TRPM4: variants seen among roughly 807,000 people sequenced by gnomAD.
TRPM4 encodes calcium-activated non-selective cation channel 1.
In TRPM4, 124 loss-of-function variants were observed where a neutral mutation model predicts 135.6. The observed-to-expected ratio is 0.91, with a 90% CI of 0.79 to 1.06. The LOEUF (loss-of-function observed/expected upper bound fraction) is 1.06, where lower values mean the gene tolerates loss of function less well. TRPM4 is among the 50% of genes least tolerant of loss of function. The probability of loss-of-function intolerance (pLI) is 0.00; values close to 1 mark genes in which losing one functional copy is unlikely to be tolerated. For missense variants in TRPM4, 1,658 were observed against 1,671.4 expected, an observed-to-expected ratio of 0.99 and a Z score of 0.14; for synonymous variants, 745 against 705.6, an observed-to-expected ratio of 1.06 and a Z score of -0.88.
intron 2 of TRPM4, among the ~76,000 whole-genome samples, chr19:49,164,497 G>T (rs1034790484): frequency 7.0e-6 from 1 of 142,754 alleles, no homozygotes. Flanking sequence ...TCCTGCCTCA[G>T]CCTTCTGAGT....
At chr19:49,172,161 C>A in intron 9 of TRPM4, 53 bp downstream of exon 9, 3 of 1,366,366 alleles carry the variant, frequency 2.2e-6, no homozygotes, top group Non-Finnish European at 3.1e-6. Flanking sequence ...CCTTAGACAC[C>A]TTTCCTGGCC....
Position 49,166,179 on chromosome 19 carries a change from G to C in TRPM4, c.231G>C (p.Glu77Asp). Residue 77 changes from glutamate to aspartate, a missense_variant, in exon 3 of 25, where the codon GAG becomes GAC. Transcript: ENST00000252826. ...AGAAGCCCACCGATGCCTACGGAGA[G>C]CTGGACTTCACGGGGGCCGGCCGCA... is the stretch of plus-strand genomic sequence containing the variant. Reference protein sequence around the residue: ...TTEKPTDAYGELDFTGAGRKH... With the variant: ...TTEKPTDAYGDLDFTGAGRKH... 6.2e-7 allele frequency: 1 copy of C among 1,609,208 alleles called. No homozygotes were observed. The highest frequency in any genetic ancestry group is 1.1e-5 in the South Asian group (1 of 90,150).
intron 9 of TRPM4, among the ~76,000 whole-genome samples, chr19:49,172,667 G>T (rs1000878003): frequency 2.0e-4 from 28 of 142,210 alleles, no homozygotes; most frequent in Non-Finnish European, 1.5e-4. Context: ...CACATCCACC[G>T]AAAATTCCTG....
chr19:49,175,313 G>C (rs1600433094), intron 9 of TRPM4, among the ~76,000 whole-genome samples: 1 of 151,972 alleles, frequency 6.6e-6, no homozygotes, highest in East Asian at 1.9e-4. Context: ...GACCTCGGGT[G>C]ATCCGCCCGC....
chr19:49,175,724 G>A (rs1443783444), intron 9 of TRPM4, among the ~76,000 whole-genome samples: 6 of 138,682 alleles, frequency 4.3e-5, no homozygotes, highest in South Asian at 2.3e-4. Flanking sequence ...GCAGTGGCGC[G>A]ATCTCGGCTC....
chr19:49,194,577 TCTTTCCTTCCTTC>T (rs1568482753), intron 16 of TRPM4, among the ~76,000 whole-genome samples: 1 of 150,358 alleles, frequency 6.7e-6, no homozygotes. Flanking sequence ...CTTCCTTCCT[TCTTTCCTTCCTTC>T]CTTTCCTTTC....
chr19:49,174,734 AC>A (rs1311390678), intron 9 of TRPM4, among the ~76,000 whole-genome samples: 1 of 140,564 alleles, frequency 7.1e-6, no homozygotes, highest in Non-Finnish European at 1.5e-5. Flanking sequence ...ATAGGGCAAG[AC>A]TCTGTCTCAA....
intron 2 of TRPM4, among the ~76,000 whole-genome samples, chr19:49,160,961 C>T (rs560948203): frequency 1.3e-5 from 2 of 151,976 alleles, no homozygotes; most frequent in East Asian, 3.9e-4. Flanking sequence ...GGCTCCGGGA[C>T]GTATGCTCTG....
At chr19:49,195,408 G>A (rs982972461) in intron 16 of TRPM4, among the ~76,000 whole-genome samples, 5 of 151,922 alleles carry the variant, frequency 3.3e-5, no homozygotes, top group African/African-American at 4.8e-5. Flanking sequence ...TTTTGCTCTC[G>A]TTGCCCAGGC....
At chr19:49,200,469 A>C (rs774430689) in intron 18 of TRPM4, 37 bp downstream of exon 18, 14 of 872,680 alleles carry the variant, frequency 1.6e-5, no homozygotes, top group Middle Eastern at 2.6e-4. Context: ...GCGGGGACAT[A>C]GGGAAAGGGG....
chr19:49,173,928 C>T (rs1405062298), intron 9 of TRPM4, among the ~76,000 whole-genome samples: 1 of 152,054 alleles, frequency 6.6e-6, no homozygotes, highest in African/African-American at 2.4e-5. Flanking sequence ...CCTCAGTCTC[C>T]CAAAGTGCTG....
In TRPM4 at chr19:49,168,705, C is replaced by G; in HGVS notation, c.765C>G (p.Ser255=). 2 of 1,605,280 alleles carry G rather than the reference C, an allele frequency of 1.2e-6. No individual in the cohort carries two copies. The highest frequency in any genetic ancestry group is 1.7e-6 in the Non-Finnish European group (2 of 1,176,566). ...GENRFRLRLE[S]YISQQKTGVG... ...ACCGCTTCCGCTTGCGCCTGGAGTCCTACATCTCACAGCAGAAGACGGGCG... is the reference window on the plus strand; with the variant it reads ...ACCGCTTCCGCTTGCGCCTGGAGTCGTACATCTCACAGCAGAAGACGGGCG... Residue 255 remains serine (S), a synonymous_variant, in exon 6 of 25, where the codon TCC becomes TCG. Transcript: ENST00000252826.
chr19:49,204,781 G>A (rs547319112), intron 20 of TRPM4, among the ~76,000 whole-genome samples: 3 of 149,886 alleles, frequency 2.0e-5, no homozygotes, highest in South Asian at 2.1e-4. Flanking sequence ...GGATGGTCTC[G>A]ATCTCCTGAC....
Position 49,210,413 on chromosome 19 carries a change from CAG to C in TRPM4, c.3328+11_3328+12del. Reference sequence around the variant, plus strand: ...CGGCCCTCGAGCATTTCCGTAAGAACAGAGCTTGGCTTAAAAAGGAGAAATAT... The same window carrying C: ...CGGCCCTCGAGCATTTCCGTAAGAACAGCTTGGCTTAAAAAGGAGAAATAT... On this transcript the variant is annotated intron_variant, in intron 21 of 24. Transcript: ENST00000252826. This position sits in a 1 kb window ranked among gnomAD's most constrained non-coding sequence, Gnocchi z 4.1. 1 of 1,612,630 alleles carries C rather than the reference CAG, an allele frequency of 6.2e-7. No homozygotes were observed. Among genetic ancestry groups the C allele is most frequent in the Non-Finnish European group, 8.5e-7 (1 of 1,179,896 alleles).
intron 10 of TRPM4, among the ~76,000 whole-genome samples, 170 bp downstream of exon 10, chr19:49,181,631 A>G (rs1475272756): frequency 6.9e-6 from 1 of 145,862 alleles, no homozygotes; most frequent in African/African-American, 2.6e-5. Flanking sequence ...ACCTGGGTTC[A>G]CGCCATTCTC....
chr19:49,203,770 TGTA>T (rs1969041694), intron 20 of TRPM4, among the ~76,000 whole-genome samples: 1 of 152,224 alleles, frequency 6.6e-6, no homozygotes, highest in South Asian at 2.1e-4. Flanking sequence ...TCATCCCTGT[TGTA>T]GTGTGCATCA....
intron 10 of TRPM4, 127 bp from the exon 11 acceptor site, chr19:49,182,443 TCCATCCAC>T (rs1396186240): frequency 7.1e-5 from 49 of 686,222 alleles, no homozygotes; most frequent in African/African-American, 2.4e-4. Flanking sequence ...CATTCATCCA[TCCATCCAC>T]CCATCCATCC....
chr19:49,172,843 C>T lies in TRPM4; in HGVS notation c.1150+735C>T, dbSNP rs1967521164. On this transcript the variant is annotated intron_variant, in intron 9 of 24. Transcript: ENST00000252826. ...AATGCCATCCGCTCATTCCTCCATCCGTCTTCTCACCTGTCCATCCACACA... is the reference window on the plus strand; with the variant it reads ...AATGCCATCCGCTCATTCCTCCATCTGTCTTCTCACCTGTCCATCCACACA... Among the ~76,000 whole-genome samples, 4 of 136,418 alleles carry T rather than the reference C, an allele frequency of 2.9e-5. No homozygotes were observed. In the South Asian group the frequency reaches 9.7e-4, roughly 33 times the overall value. The allele number at this position is 136,418 out of a possible 152,430, so 89.5% of individuals were successfully genotyped here. A position where few individuals can be genotyped will look rare whatever the true frequency, so the allele number is the denominator to read the frequency against.
intron 16 of TRPM4, among the ~76,000 whole-genome samples, chr19:49,194,696 C>G (rs1256562216): frequency 3.2e-5 from 4 of 126,940 alleles, no homozygotes; most frequent in African/African-American, 9.3e-5. Context: ...TTTCTTCCTT[C>G]CTTCCTCCCT....
Sources: gnomAD v4.1 joint callset for allele counts (sites outside exome capture counted in the v4.1 genomes callset) on GRCh38, gnomAD v4.1.1 for gene constraint, Gnocchi (gnomAD v3.1) non-coding constraint, MANE v1.5 for transcripts, NCBI Gene and HGNC (gene_info 2026-07-23, HGNC 2026-07-21) for gene names.